Variants in BBX observed in about 807,000 individuals in gnomAD.
BBX encodes the protein HMG box transcription factor BBX.
In BBX, 30 loss-of-function variants were observed where a neutral mutation model predicts 100.2. The observed-to-expected ratio is 0.30, with a 90% CI of 0.22 to 0.41. BBX has a LOEUF of 0.41. BBX is among the 10% of genes least tolerant of loss of function. The pLI is 1.00. For synonymous variants in BBX, 376 were observed against 388.1 expected (o/e 0.97, Z 0.37); for missense variants, 1,023 against 1,129.8 (o/e 0.91, Z 1.35).
chr3:107,692,931 C>T (rs1204017254), intron 3 of BBX, among the ~76,000 whole-genome samples: 1 of 150,402 alleles, frequency 6.6e-6, no homozygotes, highest in African/African-American at 2.5e-5. Context: ...TTTTGATTTG[C>T]ATTTCTCTGA....
chr3:107,774,976 C>T lies in BBX; in HGVS notation c.2054+119C>T, dbSNP rs906619170. The T allele has an allele frequency of 6.5e-6, 8 of 1,231,178 alleles. No homozygotes were observed. The African/African-American group carries it at 1.2e-4, about 19-fold the overall frequency. 76.3% of individuals were successfully genotyped at this position (1,231,178 alleles called of 1,614,324 possible). On this transcript the variant is annotated intron_variant, in intron 12 of 17. Coordinates refer to ENST00000325805, the MANE Select transcript of BBX (RefSeq NM_001142568.3). Reference sequence around the variant, plus strand: ...TTCTTTGACTACTCGCTCAGGACTTCCTACAATCTTAGTAGGCACCCTAGT... The same window carrying T: ...TTCTTTGACTACTCGCTCAGGACTTTCTACAATCTTAGTAGGCACCCTAGT...
At chr3:107,618,964 C>G (rs1433039225) in intron 2 of BBX, among the ~76,000 whole-genome samples, 1 of 152,084 alleles carries the variant, frequency 6.6e-6, no homozygotes, top group South Asian at 2.1e-4. Flanking sequence ...TCTAATTGTT[C>G]TGTCAATTGC....
chr3:107,714,670 A>G (rs146106245), intron 4 of BBX, among the ~76,000 whole-genome samples: 24 of 152,340 alleles, frequency 1.6e-4, no homozygotes, highest in South Asian at 4.1e-4. Flanking sequence ...CTTCACCCCA[A>G]TAATAATTCC....
chr3:107,621,656 C>T (rs1390992311), intron 2 of BBX, among the ~76,000 whole-genome samples: 1 of 152,144 alleles, frequency 6.6e-6, no homozygotes, highest in Non-Finnish European at 1.5e-5. Context: ...TGGTGACAGG[C>T]AGTGACATAG....
At chr3:107,670,473 G>A (rs554707763) in intron 3 of BBX, among the ~76,000 whole-genome samples, 1 of 152,028 alleles carries the variant, frequency 6.6e-6, no homozygotes, top group South Asian at 2.1e-4. Context: ...CAATGGATAT[G>A]CAATAATTAC....
intron 3 of BBX, among the ~76,000 whole-genome samples, chr3:107,684,297 A>G (rs753786150): frequency 2.6e-5 from 4 of 152,212 alleles, no homozygotes; most frequent in African/African-American, 4.8e-5. Flanking sequence ...CCTTAGCAGT[A>G]AGTATGAAAG....
At chr3:107,778,657 A>G in intron 13 of BBX, 138 bp downstream of exon 13, 2 of 963,288 alleles carry the variant, frequency 2.1e-6, no homozygotes, top group South Asian at 3.5e-5. Context: ...GTTGCTTTCC[A>G]AGATTATCTT....
chr3:107,786,086 T>C (rs2068392318), intron 13 of BBX, among the ~76,000 whole-genome samples: 3 of 151,880 alleles, frequency 2.0e-5, no homozygotes. Context: ...TACAATAGCA[T>C]CAAAAAGAGT....
chr3:107,799,643 G>A (rs1032357605), intron 16 of BBX, among the ~76,000 whole-genome samples: 2 of 152,106 alleles, frequency 1.3e-5, no homozygotes, highest in Non-Finnish European at 2.9e-5. Context: ...AGTAGATTAA[G>A]CTTAAAATGC....
chr3:107,584,111 T>TGA (rs2052579349), intron 2 of BBX, among the ~76,000 whole-genome samples: 1 of 11,978 alleles, frequency 8.3e-5, no homozygotes, highest in Admixed American at 1.4e-3. Flanking sequence ...ATATTATATA[T>TGA]TATATATAAT....
intron 3 of BBX, among the ~76,000 whole-genome samples, chr3:107,666,186 A>G (rs966380886): frequency 4.6e-5 from 7 of 152,188 alleles, no homozygotes; most frequent in African/African-American, 1.7e-4. Context: ...AGGGGAACCA[A>G]CTTCCTTTTA....
chr3:107,709,517 A>T (rs2107294497), intron 3 of BBX, among the ~76,000 whole-genome samples: 1 of 152,366 alleles, frequency 6.6e-6, no homozygotes, highest in East Asian at 1.9e-4. Context: ...TATTGTCAGC[A>T]TTCATGAACC....
chr3:107,788,323 GGAGGCATTCAAGGCA>G (rs1261371770), intron 13 of BBX, among the ~76,000 whole-genome samples: 1 of 152,132 alleles, frequency 6.6e-6, no homozygotes, highest in Non-Finnish European at 1.5e-5. Context: ...GCCCAATGAA[GGAGGCATTCAAGGCA>G]GAGGGTGTGG....
chr3:107,696,043 G>T (rs375237380), intron 3 of BBX, among the ~76,000 whole-genome samples: 15 of 151,448 alleles, frequency 9.9e-5, no homozygotes, highest in African/African-American at 3.2e-4. Context: ...GTCTTCCATT[G>T]GCTTGGTAGA....
chr3:107,685,876 C>T (rs1231606404), intron 3 of BBX, among the ~76,000 whole-genome samples: 1 of 152,176 alleles, frequency 6.6e-6, no homozygotes, highest in Non-Finnish European at 1.5e-5. Flanking sequence ...GCAAGGAACC[C>T]TGAGAATTGT....
At chr3:107,714,648 T>G (rs2061975609) in intron 4 of BBX, among the ~76,000 whole-genome samples, 1 of 152,212 alleles carries the variant, frequency 6.6e-6, no homozygotes, top group Admixed American at 6.5e-5. Flanking sequence ...ATGAGGAAGA[T>G]AAATATGTAG....
At position 107,663,301 on chromosome 3, in the gene BBX, A is replaced by G. The variant is rs189876361; in HGVS notation, c.-10+17392A>G. Among the ~76,000 whole-genome samples the G allele has an allele frequency of 2.2e-4, 33 of 152,314 alleles. 1 individual carries two copies. In the East Asian group the frequency reaches 5.8e-3, roughly 27 times the overall value. On this transcript the variant is annotated intron_variant, in intron 3 of 17. Transcript: ENST00000325805. Reference sequence around the variant, plus strand: ...TCTGTGTTTATAATTCTGCAGTCATATCTTTAGAATCATGATGAATCTAAA... The same window carrying G: ...TCTGTGTTTATAATTCTGCAGTCATGTCTTTAGAATCATGATGAATCTAAA...
At chr3:107,672,955 A>G (rs1173613521) in intron 3 of BBX, among the ~76,000 whole-genome samples, 1 of 152,084 alleles carries the variant, frequency 6.6e-6, no homozygotes, top group Non-Finnish European at 1.5e-5. Context: ...ATGACTTTGT[A>G]CTAGCCCCAG....
chr3:107,703,610 G>A lies in BBX; in HGVS notation c.-9-6842G>A, dbSNP rs149252769. Among the ~76,000 whole-genome samples, 1,081 of 152,254 alleles carry A rather than the reference G, an allele frequency of 7.1e-3. 10 individuals carry two copies. The highest frequency in any genetic ancestry group is 0.024 in the African/African-American group (991 of 41,536). ...AGCATATCGATAACATCTTGACAGA[G>A]TTAAAGTTTCAACTTGAAGAGCTAC... On this transcript the variant is annotated intron_variant, in intron 3 of 17. Coordinates refer to ENST00000325805, the MANE Select transcript of BBX (RefSeq NM_001142568.3).
Sources: gnomAD v4.1 joint callset for allele counts (sites outside exome capture counted in the v4.1 genomes callset) on GRCh38, gnomAD v4.1.1 for gene constraint, MANE v1.5 for transcripts, NCBI Gene and HGNC (gene_info 2026-07-23, HGNC 2026-07-21) for gene names.